Variants in PLEKHA5 observed in about 807,000 individuals in gnomAD.
PLEKHA5 encodes pleckstrin homology domain containing A5, also known as pleckstrin homology domain-containing family A member 5.
PLEKHA5 carries 55 observed loss-of-function variants against 181.9 expected under a neutral mutation model. That is an observed-to-expected ratio of 0.30 (90% CI 0.24 to 0.38). The LOEUF (loss-of-function observed/expected upper bound fraction) is 0.38, where lower values mean the gene tolerates loss of function less well. Ranked by LOEUF, PLEKHA5 falls within the 10% of genes least tolerant of loss-of-function variation. The pLI is 1.00. For missense variants in PLEKHA5, 1,432 were observed against 1,549.5 expected, an observed-to-expected ratio of 0.92 and a Z score of 1.27; for synonymous variants, 535 against 529.4, an observed-to-expected ratio of 1.01 and a Z score of -0.15.
chr12:19,194,255 T>C (rs904217598), intron 3 of PLEKHA5, among the ~76,000 whole-genome samples: 6 of 152,216 alleles, frequency 3.9e-5, no homozygotes, highest in African/African-American at 9.6e-5. Flanking sequence ...GTTCCATCCA[T>C]GTTGCTGCGA....
chr12:19,322,418 AT>A (rs2091095226), intron 19 of PLEKHA5, 28 bp downstream of exon 19: 1 of 1,579,508 alleles, frequency 6.3e-7, no homozygotes, highest in African/African-American at 1.3e-5. Flanking sequence ...ATTGTCTACA[AT>A]TGATGTTACT....
chr12:19,142,656 A>G (rs1054851443), intron 3 of PLEKHA5, among the ~76,000 whole-genome samples: 1 of 152,180 alleles, frequency 6.6e-6, no homozygotes. Context: ...TGAAATCGTT[A>G]CAGTAGTCAA....
intron 15 of PLEKHA5, chr12:19,306,907 C>G: frequency 1.2e-6 from 1 of 823,646 alleles, no homozygotes; most frequent in Middle Eastern, 2.3e-4. Flanking sequence ...TCTGTTGGCA[C>G]CAGCTAATGC....
chr12:19,303,802 T>C (rs2082284736), intron 15 of PLEKHA5: 1 of 145,572 alleles, frequency 6.9e-6, no homozygotes, highest in Non-Finnish European at 1.5e-5. Context: ...TTTTAAGATA[T>C]CCTTTCTTTG....
intron 4 of PLEKHA5, among the ~76,000 whole-genome samples, chr12:19,254,619 A>C (rs2066333470): frequency 6.6e-6 from 1 of 151,950 alleles, no homozygotes; most frequent in South Asian, 2.1e-4. Flanking sequence ...TCAGGCATTC[A>C]AGACCAGCCT....
At chr12:19,250,559 G>A (rs2065008092) in intron 3 of PLEKHA5, among the ~76,000 whole-genome samples, 1 of 151,622 alleles carries the variant, frequency 6.6e-6, no homozygotes, top group Non-Finnish European at 1.5e-5. Flanking sequence ...CTCCAGCCTG[G>A]GCAACAAGAG....
At chr12:19,342,086 G>A (rs945421581) in intron 21 of PLEKHA5, among the ~76,000 whole-genome samples, 3 of 152,048 alleles carry the variant, frequency 2.0e-5, no homozygotes, top group African/African-American at 7.2e-5. Context: ...ATGCAATACT[G>A]ATTATATTCT....
At chr12:19,160,189 A>G (rs984187838) in intron 3 of PLEKHA5, among the ~76,000 whole-genome samples, 8 of 152,082 alleles carry the variant, frequency 5.3e-5, no homozygotes, top group Admixed American at 3.9e-4. Context: ...ATGATTTATT[A>G]TGACATGTAG....
intron 3 of PLEKHA5, among the ~76,000 whole-genome samples, chr12:19,238,998 CTTT>C (rs1047682308): frequency 1.3e-5 from 2 of 152,092 alleles, no homozygotes; most frequent in Non-Finnish European, 1.5e-5. Flanking sequence ...TGCTACTCTT[CTTT>C]GTTTGAAGTT....
At chr12:19,146,723 C>G (rs2039017655) in intron 3 of PLEKHA5, among the ~76,000 whole-genome samples, 1 of 152,094 alleles carries the variant, frequency 6.6e-6, no homozygotes, top group South Asian at 2.1e-4. Context: ...TACCTTAGAC[C>G]AGTTAGAGTT....
At chr12:19,274,433 T>G in intron 10 of PLEKHA5, 83 bp from the exon 11 acceptor site, 1 of 949,874 alleles carries the variant, frequency 1.1e-6, no homozygotes, top group East Asian at 2.5e-5. Context: ...CCCCGTAAAG[T>G]ATAATTTTTC....
chr12:19,223,420 A>T (rs1351164321), intron 3 of PLEKHA5, among the ~76,000 whole-genome samples: 1 of 152,130 alleles, frequency 6.6e-6, no homozygotes, highest in East Asian at 1.9e-4. Context: ...TCGTTGTGAG[A>T]TCATATACCA....
chr12:19,284,082 GT>G (rs1332220040), intron 12 of PLEKHA5, among the ~76,000 whole-genome samples: 1 of 151,846 alleles, frequency 6.6e-6, no homozygotes, highest in African/African-American at 2.4e-5. Context: ...TTGTTGTTTT[GT>G]TTTGAGATGG....
At chr12:19,303,882 C>G (rs2082329537) in intron 15 of PLEKHA5, 1 of 128,092 alleles carries the variant, frequency 7.8e-6, no homozygotes, top group African/African-American at 2.8e-5. Context: ...CAGTGGCAAT[C>G]ATGGCTCACT....
At chr12:19,222,050 G>GA (rs2152309298) in intron 3 of PLEKHA5, among the ~76,000 whole-genome samples, 1 of 152,144 alleles carries the variant, frequency 6.6e-6, no homozygotes, top group African/African-American at 2.4e-5. Context: ...TTGAGCCTAG[G>GA]AATTTGAGAC....
intron 15 of PLEKHA5, among the ~76,000 whole-genome samples, chr12:19,295,075 C>T: frequency 6.6e-6 from 1 of 152,090 alleles, no homozygotes; most frequent in East Asian, 1.9e-4. Flanking sequence ...GTTTATTTGT[C>T]ATTTTTGTGA....
intron 14 of PLEKHA5, 134 bp downstream of exon 14, chr12:19,290,930 TC>T (rs1413923166): frequency 1.4e-6 from 1 of 737,982 alleles, no homozygotes. Flanking sequence ...CATTAGAATC[TC>T]CTATTAACCC....
chr12:19,198,870 T>C (rs2053565758), intron 3 of PLEKHA5, among the ~76,000 whole-genome samples: 1 of 152,168 alleles, frequency 6.6e-6, no homozygotes, highest in African/African-American at 2.4e-5. Context: ...CATAGTGAAA[T>C]ATTTTTTAAA....
At chr12:19,375,302 C>G (rs114276730) in intron 31 of PLEKHA5, among the ~76,000 whole-genome samples, 1 of 151,728 alleles carries the variant, frequency 6.6e-6, no homozygotes, top group African/African-American at 2.4e-5. Context: ...CCAGCCTAGG[C>G]GATAGTGATA....
Sources: allele counts gnomAD v4.1 joint callset (sites outside exome capture counted in the v4.1 genomes callset), GRCh38; gene constraint gnomAD v4.1.1; transcripts MANE v1.5; gene names NCBI Gene and HGNC (gene_info 2026-07-23, HGNC 2026-07-21).